The following WDR27 variants were observed in gnomAD, a reference collection of about 807,000 sequenced individuals.
WDR27 encodes the protein WD repeat-containing protein 27.
Under a neutral mutation model 114.4 loss-of-function variants are expected in WDR27, and 100 were observed. That is an observed-to-expected ratio of 0.87 (90% CI 0.74 to 1.03). The LOEUF (loss-of-function observed/expected upper bound fraction) is 1.03. Ranked by LOEUF, WDR27 falls within the 50% of genes least tolerant of loss-of-function variation. The pLI is 0.00. For synonymous variants in WDR27, 449 were observed against 423.1 expected, an observed-to-expected ratio of 1.06 and a Z score of -0.75; for missense variants, 1,129 against 1,092.9, an observed-to-expected ratio of 1.03 and a Z score of -0.47.
chr6:169,662,476 A>C, intron 8 of WDR27, 52 bp from the exon 9 acceptor site: 2 of 1,599,098 alleles, frequency 1.3e-6, no homozygotes, highest in Admixed American at 1.7e-5. Context: ...TGCATCCGTC[A>C]AGTTTAAAGG....
intron 25 of WDR27, among the ~76,000 whole-genome samples, chr6:169,481,526 C>A (rs542879015): frequency 6.6e-6 from 1 of 152,216 alleles, no homozygotes; most frequent in Non-Finnish European, 1.5e-5. Context: ...TCTTCGGGTT[C>A]GTGGCGCCTT....
intron 25 of WDR27, among the ~76,000 whole-genome samples, chr6:169,476,457 T>C (rs1328765583): frequency 6.6e-6 from 1 of 152,232 alleles, no homozygotes; most frequent in African/African-American, 2.4e-5. Flanking sequence ...CACCACCTGT[T>C]TCTTTGTTTG....
chr6:169,443,290 A>G, the WDR27 span, among the ~76,000 whole-genome samples: 1 of 152,170 alleles, frequency 6.6e-6, no homozygotes, highest in African/African-American at 2.4e-5. Flanking sequence ...TGGAACTAAG[A>G]GATTGTTTAA....
chr6:169,472,213 G>A (rs1212736171), intron 25 of WDR27, among the ~76,000 whole-genome samples: 1 of 152,052 alleles, frequency 6.6e-6, no homozygotes, highest in African/African-American at 2.4e-5. Flanking sequence ...CAATAACAGG[G>A]CTTTTTTAGA....
chr6:169,445,160 A>G, the WDR27 span, among the ~76,000 whole-genome samples: 1 of 152,224 alleles, frequency 6.6e-6, no homozygotes, highest in Non-Finnish European at 1.5e-5. Context: ...CAAAAGCGTG[A>G]TGCTATCATA....
chr6:169,638,678 A>T lies in WDR27; in HGVS notation c.1748-18T>A, dbSNP rs1818341970. 1 of 1,588,812 alleles carries T rather than the reference A, an allele frequency of 6.3e-7. No individual in the cohort carries two copies. The highest frequency in any genetic ancestry group is 1.1e-5 in the South Asian group (1 of 87,236). On this transcript the variant is annotated intron_variant, in intron 17 of 25. Coordinates refer to ENST00000448612, the MANE Select transcript of WDR27 (RefSeq NM_182552.5). ...GTCGTGACCTAACAGGAATGACCAC[A>T]GAAGGTTACTATTTCTACTATTAAT...
At chr6:169,698,653 C>T (rs1239949819) in intron 1 of WDR27, among the ~76,000 whole-genome samples, 1 of 152,242 alleles carries the variant, frequency 6.6e-6, no homozygotes, top group Non-Finnish European at 1.5e-5. Context: ...ACATTTCCAG[C>T]CTCTGAAGTC....
At chr6:169,571,910 G>A (rs1031199003) in intron 25 of WDR27, among the ~76,000 whole-genome samples, 3 of 152,116 alleles carry the variant, frequency 2.0e-5, no homozygotes, top group African/African-American at 4.8e-5. Flanking sequence ...ACTGTCTCTC[G>A]ACAGAGCAAT....
intron 24 of WDR27, among the ~76,000 whole-genome samples, chr6:169,577,245 A>C (rs1037028310): frequency 7.9e-5 from 12 of 152,090 alleles, no homozygotes. Context: ...GCAACCTGGG[A>C]AAGTGGGAAT....
intron 25 of WDR27, among the ~76,000 whole-genome samples, chr6:169,547,942 C>G (rs909935016): frequency 1.3e-5 from 2 of 149,960 alleles, no homozygotes; most frequent in Admixed American, 1.3e-4. Context: ...CTGGAACAAA[C>G]AGTGATTTTA....
At chr6:169,629,652 C>T (rs531233823) in intron 21 of WDR27, among the ~76,000 whole-genome samples, 18 of 152,132 alleles carry the variant, frequency 1.2e-4, no homozygotes, top group East Asian at 3.9e-4. Flanking sequence ...ATTGGCCGGG[C>T]GCGGTGGCTC....
At chr6:169,624,491 C>T (rs569023053) in intron 21 of WDR27, among the ~76,000 whole-genome samples, 15 of 152,226 alleles carry the variant, frequency 9.9e-5, no homozygotes, top group South Asian at 4.1e-4. Flanking sequence ...CTTAGGGAGC[C>T]GGAGGGAGGC....
At chr6:169,591,480 C>G (rs1360937327) in intron 23 of WDR27, among the ~76,000 whole-genome samples, 1 of 152,112 alleles carries the variant, frequency 6.6e-6, no homozygotes, top group Non-Finnish European at 1.5e-5. Context: ...AAATACAGTC[C>G]GAACAGGAAA....
chr6:169,597,038 T>C (rs963155773), intron 23 of WDR27, among the ~76,000 whole-genome samples: 3 of 152,198 alleles, frequency 2.0e-5, no homozygotes, highest in Non-Finnish European at 4.4e-5. Flanking sequence ...ATATTAAATG[T>C]TGTTCATTAT....
chr6:169,651,789 C>T (rs940112700), intron 14 of WDR27, 141 bp downstream of exon 14: 40 of 714,684 alleles, frequency 5.6e-5, no homozygotes, highest in East Asian at 4.6e-4. Context: ...CAACCCACCA[C>T]ATTTTAACTT....
At chr6:169,438,646 C>T in the WDR27 span, among the ~76,000 whole-genome samples, 2 of 152,184 alleles carry the variant, frequency 1.3e-5, no homozygotes, top group Non-Finnish European at 2.9e-5. Context: ...TGGACACATA[C>T]TCTCGCAGTA....
Position 169,600,831 on chromosome 6 carries a change from C to CATCT in WDR27, c.2424+1387_2424+1388insAGAT, listed in dbSNP as rs543139069. On this transcript the variant is annotated intron_variant, in intron 23 of 25. Coordinates refer to ENST00000448612, the MANE Select transcript of WDR27 (RefSeq NM_182552.5). ...GGACTATGTGAAAAGAACAATTCTA[C>CATCT]GTCTGATTGGTGTACCTGAAAGTGA... Among the ~76,000 whole-genome samples the CATCT allele has an allele frequency of 1.3e-3, 203 of 152,314 alleles. 4 individuals are homozygous for CATCT. In the East Asian group the frequency reaches 0.032, roughly 24 times the overall value.
At chr6:169,673,871 C>G (rs1381439605) in intron 2 of WDR27, among the ~76,000 whole-genome samples, 2 of 152,258 alleles carry the variant, frequency 1.3e-5, no homozygotes, top group Non-Finnish European at 2.9e-5. Context: ...GCCTAGAATA[C>G]AATCTACTAA....
At chr6:169,449,911 G>C in the WDR27 span, among the ~76,000 whole-genome samples, 1 of 152,212 alleles carries the variant, frequency 6.6e-6, no homozygotes, top group Non-Finnish European at 1.5e-5. Flanking sequence ...GCAACAGAGC[G>C]AGAAAGAAGC....
Sources: allele counts gnomAD v4.1 joint callset (sites outside exome capture counted in the v4.1 genomes callset), GRCh38; gene constraint gnomAD v4.1.1; transcripts MANE v1.5; gene names NCBI Gene and HGNC (gene_info 2026-07-23, HGNC 2026-07-21).